CYTH1: variants seen among roughly 807,000 people sequenced by gnomAD.
The protein encoded by CYTH1 is cytohesin 1, also known as cytohesin-1.
Under a neutral mutation model 61.8 loss-of-function variants are expected in CYTH1, and 18 were observed. The observed-to-expected ratio is 0.29, with a 90% CI of 0.20 to 0.43. The LOEUF is 0.43. Ranked by LOEUF, CYTH1 falls within the 20% of genes least tolerant of loss-of-function variation. CYTH1 has a pLI of 1.00. For missense variants in CYTH1, 336 were observed against 510.5 expected, an observed-to-expected ratio of 0.66 and a Z score of 3.29; for synonymous variants, 174 against 184.3, an observed-to-expected ratio of 0.94 and a Z score of 0.45.
intron 1 of CYTH1, among the ~76,000 whole-genome samples, chr17:78,759,444 T>TGG (rs1169265438): frequency 6.6e-6 from 1 of 152,174 alleles, no homozygotes; most frequent in Non-Finnish European, 1.5e-5. Flanking sequence ...GGCCACTGGC[T>TGG]GCCTAGCAAC....
At chr17:78,735,277 T>C (rs2093315412) in intron 1 of CYTH1, among the ~76,000 whole-genome samples, 1 of 152,230 alleles carries the variant, frequency 6.6e-6, no homozygotes, top group South Asian at 2.1e-4. Flanking sequence ...AAGTGACTAT[T>C]ACACAGCACC....
intron 1 of CYTH1, among the ~76,000 whole-genome samples, chr17:78,754,791 C>T (rs1018091190): frequency 6.6e-6 from 1 of 152,102 alleles, no homozygotes; most frequent in Non-Finnish European, 1.5e-5. Context: ...AACTGCTTTG[C>T]ATATTATACT....
chr17:78,708,356 A>C lies in CYTH1; in HGVS notation c.106-95T>G, dbSNP rs187235195. The C allele has an allele frequency of 4.9e-4, 556 of 1,136,510 alleles. No homozygotes were observed. Among genetic ancestry groups the C allele is most frequent in the Non-Finnish European group, 6.7e-4 (529 of 793,354 alleles). The allele number at this position is 1,136,510 out of a possible 1,614,324, so 70.4% of individuals were successfully genotyped here. A position where few individuals can be genotyped will look rare whatever the true frequency, so the allele number is the denominator to read the frequency against. ...ACATAACTCCCTCCAACCAAAAACA[A>C]AATAAAGCAAAATGAAACAAAATAT... On this transcript the variant is annotated intron_variant, in intron 2 of 13. Coordinates refer to ENST00000446868, the MANE Select transcript of CYTH1 (RefSeq NM_004762.6).
At chr17:78,707,534 A>T (rs908169225) in intron 3 of CYTH1, among the ~76,000 whole-genome samples, 1 of 152,198 alleles carries the variant, frequency 6.6e-6, no homozygotes, top group African/African-American at 2.4e-5. Flanking sequence ...AAATCGTATC[A>T]GCAGCATTCA....
intron 1 of CYTH1, among the ~76,000 whole-genome samples, chr17:78,737,946 A>AT (rs534774353): frequency 2.6e-4 from 40 of 152,080 alleles, no homozygotes; most frequent in South Asian, 1.5e-3. Flanking sequence ...TACTTATAAC[A>AT]TTTTTTCATG....
chr17:78,697,924 A>T (rs181219201), intron 9 of CYTH1, among the ~76,000 whole-genome samples: 39 of 152,340 alleles, frequency 2.6e-4, no homozygotes, highest in African/African-American at 8.9e-4. Context: ...GCACAGACAC[A>T]TGTGGGCAAT....
intron 3 of CYTH1, among the ~76,000 whole-genome samples, chr17:78,707,881 A>G (rs1377997430): frequency 6.6e-6 from 1 of 152,026 alleles, no homozygotes; most frequent in Non-Finnish European, 1.5e-5. Flanking sequence ...GGGTTTCACC[A>G]TGTTGGCCAG....
intron 1 of CYTH1, among the ~76,000 whole-genome samples, chr17:78,736,222 T>C (rs1302532666): frequency 6.6e-6 from 1 of 152,208 alleles, no homozygotes; most frequent in African/African-American, 2.4e-5. Flanking sequence ...TTCTGGATAT[T>C]TGTGGAATTC....
At chr17:78,692,301 C>T (rs2092895686) in intron 11 of CYTH1, 116 bp downstream of exon 11, 2 of 1,028,242 alleles carry the variant, frequency 1.9e-6, no homozygotes, top group Admixed American at 1.9e-5. Flanking sequence ...CTCCCCCATC[C>T]CCCACAGATA....
chr17:78,756,079 A>ATTT (rs143186254), intron 1 of CYTH1, among the ~76,000 whole-genome samples: 5 of 138,108 alleles, frequency 3.6e-5, no homozygotes, highest in Non-Finnish European at 6.2e-5. Flanking sequence ...ATTTATTTTT[A>ATTT]TTTTTTTTTT....
chr17:78,678,964 T>C (rs1027874352), intron 13 of CYTH1, among the ~76,000 whole-genome samples: 1 of 152,232 alleles, frequency 6.6e-6, no homozygotes, highest in African/African-American at 2.4e-5. Flanking sequence ...TCTGTTTTCA[T>C]TGCATGAATT....
Position 78,782,267 on chromosome 17 carries a change from C to T in CYTH1, c.-44G>A. 8.2e-7 allele frequency: 1 copy of T among 1,215,242 alleles called. No individual in the cohort carries two copies. The highest frequency in any genetic ancestry group is 2.2e-5 in the South Asian group (1 of 46,212). 75.3% of individuals were successfully genotyped at this position (1,215,242 alleles called of 1,614,324 possible). ...CGCGCTCCGGCTCGCCGCTCGCGTC[C>T]CGCCGCGCCACCCGCGCCCCCGCTC... On this transcript the variant is annotated 5_prime_UTR_variant, in exon 1 of 14. Coordinates refer to ENST00000446868, the MANE Select transcript of CYTH1 (RefSeq NM_004762.6).
intron 1 of CYTH1, among the ~76,000 whole-genome samples, chr17:78,719,322 C>A (rs1236247286): frequency 6.6e-6 from 1 of 152,054 alleles, no homozygotes; most frequent in East Asian, 1.9e-4. Flanking sequence ...ACTTGGGGAA[C>A]ATACAAATGA....
chr17:78,699,002 G>C (rs755784243), intron 7 of CYTH1, 34 bp from the exon 8 acceptor site: 2 of 1,603,360 alleles, frequency 1.2e-6, no homozygotes, highest in Non-Finnish European at 1.7e-6. Context: ...GGGAGCCGTT[G>C]CATGCTCAGA....
intron 1 of CYTH1, among the ~76,000 whole-genome samples, chr17:78,767,305 AT>A: frequency 6.6e-6 from 1 of 152,222 alleles, no homozygotes; most frequent in South Asian, 2.1e-4. Flanking sequence ...CCATGTCTAA[AT>A]TTTTTAAAAC....
At chr17:78,712,370 T>C (rs2093143277) in intron 1 of CYTH1, among the ~76,000 whole-genome samples, 1 of 152,034 alleles carries the variant, frequency 6.6e-6, no homozygotes. Context: ...ACTGATTTTA[T>C]GGCTGCATGC....
chr17:78,756,653 AT>A (rs1187078452), intron 1 of CYTH1, among the ~76,000 whole-genome samples: 2 of 152,190 alleles, frequency 1.3e-5, no homozygotes. Context: ...GAACTAAATC[AT>A]TATTTGAGTG....
intron 10 of CYTH1, 38 bp downstream of exon 10, chr17:78,695,969 G>A (rs1298337465): frequency 7.3e-7 from 1 of 1,367,660 alleles, no homozygotes; most frequent in African/African-American, 1.5e-5. Context: ...AATGACAGTG[G>A]CCTAGCAGAG....
At chr17:78,705,883 T>C (rs1365553724) in intron 3 of CYTH1, among the ~76,000 whole-genome samples, 3 of 152,166 alleles carry the variant, frequency 2.0e-5, no homozygotes, top group Non-Finnish European at 2.9e-5. Flanking sequence ...CTGCGTTTCC[T>C]TGCTGTTCTA....
Sources: gnomAD v4.1 joint callset for allele counts (sites outside exome capture counted in the v4.1 genomes callset) on GRCh38, gnomAD v4.1.1 for gene constraint, MANE v1.5 for transcripts, NCBI Gene and HGNC (gene_info 2026-07-23, HGNC 2026-07-21) for gene names.